GLS2: variants seen among roughly 807,000 people sequenced by gnomAD.
GLS2 encodes glutaminase liver isoform, mitochondrial.
A neutral mutation model predicts 79.0 loss-of-function variants in GLS2; 52 were observed. The ratio of observed to expected loss-of-function variants is 0.66; its 90% CI spans 0.53 to 0.83. GLS2 has a LOEUF of 0.83. Among genes scored for constraint, GLS2 ranks in the 40% least tolerant of loss-of-function variants. The pLI, the probability that GLS2 is intolerant of heterozygous loss-of-function variation, is 0.00. For missense variants in GLS2, 561 were observed against 764.8 expected (o/e 0.73, Z 3.14); for synonymous variants, 238 against 280.8 (o/e 0.85, Z 1.52).
At chr12:56,487,710 G>A (rs1209222717) in intron 1 of GLS2, 6 of 570,002 alleles carry the variant, frequency 1.1e-5, no homozygotes, top group Admixed American at 7.0e-5. Context: ...TTGGACAGGC[G>A]CCATCCCCAG....
intron 12 of GLS2, chr12:56,474,210 C>T (rs1211414574): frequency 3.2e-6 from 1 of 316,016 alleles, no homozygotes; most frequent in Non-Finnish European, 6.0e-6. Flanking sequence ...CTGCCTCAGC[C>T]TCCCAAGTAG....
intron 1 of GLS2, among the ~76,000 whole-genome samples, chr12:56,485,247 TAAGTAATAAAC>T: frequency 1.3e-5 from 2 of 152,194 alleles, no homozygotes; most frequent in African/African-American, 2.4e-5. Flanking sequence ...TTAAAATTTT[TAAGTAATAAAC>T]TTATTTATTT....
At chr12:56,487,397 T>C (rs899614674) in intron 1 of GLS2, 16 of 153,010 alleles carry the variant, frequency 1.0e-4, no homozygotes, top group African/African-American at 3.8e-4. Context: ...AGTTTGGAAA[T>C]TCCCCCCCAT....
chr12:56,484,934 T>C (rs1870566463), intron 1 of GLS2, among the ~76,000 whole-genome samples: 1 of 152,176 alleles, frequency 6.6e-6, no homozygotes, highest in Admixed American at 6.5e-5. Flanking sequence ...CATCAAATTA[T>C]CTCTGGGGGC....
At chr12:56,472,785 T>G (rs1869410882) in intron 14 of GLS2, 34 bp from the exon 15 acceptor site, 1 of 1,597,474 alleles carries the variant, frequency 6.3e-7, no homozygotes, top group Non-Finnish European at 8.6e-7. Flanking sequence ...TGACATTAAT[T>G]GAACTCACCT....
chr12:56,473,704 C>T (rs1869522035), intron 12 of GLS2, 110 bp from the exon 13 acceptor site: 1 of 1,343,550 alleles, frequency 7.4e-7, no homozygotes, highest in South Asian at 1.7e-5. Context: ...TGACCACAAT[C>T]CACCTCAACC....
intron 6 of GLS2, 95 bp from the exon 7 acceptor site, chr12:56,477,813 G>A (rs1044046647): frequency 3.2e-6 from 5 of 1,542,484 alleles, no homozygotes; most frequent in Non-Finnish European, 4.4e-6. Flanking sequence ...AGACTGCTAG[G>A]GAGAAAGGCA....
At chr12:56,472,058 T>C (rs1041538135) in intron 16 of GLS2, 61 bp downstream of exon 16, 1 of 1,562,112 alleles carries the variant, frequency 6.4e-7, no homozygotes, top group South Asian at 1.1e-5. Flanking sequence ...GAAGGTACTT[T>C]TGGTGAAAAA....
chr12:56,481,287 C>T (rs926049246), intron 1 of GLS2, among the ~76,000 whole-genome samples: 1 of 141,566 alleles, frequency 7.1e-6, no homozygotes, highest in Admixed American at 8.1e-5. Flanking sequence ...CTCACTGCAA[C>T]CTCCGCCTCC....
intron 1 of GLS2, chr12:56,487,600 A>C: frequency 2.6e-6 from 1 of 386,296 alleles, no homozygotes; most frequent in East Asian, 5.6e-5. Flanking sequence ...CACGAGGACT[A>C]GGGAAGGTGA....
At chr12:56,484,256 C>T (rs1206853173) in intron 1 of GLS2, among the ~76,000 whole-genome samples, 2 of 152,054 alleles carry the variant, frequency 1.3e-5, no homozygotes, top group South Asian at 2.1e-4. Flanking sequence ...GGCAACAGAG[C>T]GAGACTCCAT....
chr12:56,478,474 A>G (rs566806193), intron 4 of GLS2: 1 of 561,894 alleles, frequency 1.8e-6, no homozygotes, highest in East Asian at 3.0e-5. Context: ...TAGAGATAGC[A>G]GTAAAGCCAA....
chr12:56,479,588 G>A (rs534467127), intron 3 of GLS2, 192 bp downstream of exon 3: 2 of 616,858 alleles, frequency 3.2e-6, no homozygotes, highest in South Asian at 7.7e-5. Flanking sequence ...ATTGAGTAGG[G>A]AGGGAAAGGA....
rs1431328101 is a variant in GLS2, at chr12:56,487,988, G to T, written c.131C>A (p.Ala44Glu). 4.4e-6 allele frequency: 7 copies of T among 1,601,692 alleles called. No individual in the cohort carries two copies. Among genetic ancestry groups the T allele is most frequent in the Non-Finnish European group, 5.1e-6 (6 of 1,179,478 alleles). Residue 44 changes from alanine to glutamate, a missense_variant, in exon 1 of 18, where the codon GCG (alanine) becomes GAG (glutamate). Ala to Glu is a moderately radical substitution (Grantham distance 107, BLOSUM62 -1). Around this residue, in one of 4 missense-constraint regions of GLS2, gnomAD observed 161 missense variants for 167.8 expected, o/e 0.96. Coordinates refer to ENST00000311966, the MANE Select transcript of GLS2 (RefSeq NM_013267.4). Reference protein sequence around the residue: ...GGVRHHLSEAAAQGRETPHSH... With the variant: ...GGVRHHLSEAEAQGRETPHSH... ...GTGTGGCGTCTCTCTGCCCTGCGCCGCGGCCTCACTGAGGTGGTGCCGGAC... is the reference window on the plus strand; with the variant it reads ...GTGTGGCGTCTCTCTGCCCTGCGCCTCGGCCTCACTGAGGTGGTGCCGGAC...
At position 56,474,634 on chromosome 12, in the gene GLS2, C is replaced by A. The variant is rs759213604; in HGVS notation, c.1134G>T (p.Glu378Asp). 1 of 1,614,190 alleles carries A rather than the reference C, an allele frequency of 6.2e-7. No individual in the cohort carries two copies. ...GCACTGCTTCAGCACTCAGCACACTCTCGCCTGTGATGGGGCAGATCCCAC... is the reference window on the plus strand; with the variant it reads ...GCACTGCTTCAGCACTCAGCACACTATCGCCTGTGATGGGGCAGATCCCAC... The part of the protein sequence containing the change: ...ANGGICPITG[E>D]SVLSAEAVRN... Residue 378 changes from glutamate (E) to aspartate (D), a missense_variant, in exon 12 of 18, where the codon GAG becomes GAT. Transcript: ENST00000311966.
rs1279785119 is a variant in GLS2, at chr12:56,474,852, G to A, written c.1041C>T (p.Tyr347=). The A allele has an allele frequency of 6.2e-7, 1 of 1,614,196 alleles. No individual in the cohort carries two copies. The highest frequency in any genetic ancestry group is 1.1e-5 in the South Asian group (1 of 91,084). The change falls in exon 11 of 18, where the codon TAC becomes TAT. Residue 347 remains tyrosine (Y), a synonymous_variant. Transcript: ENST00000311966. The part of the protein sequence containing the change: ...GVDMMAALDL[Y]FQLCSVEVTC... The stretch of plus-strand genomic sequence containing the variant: ...CTGAGCAGTGTTTTCTTACCTGGAA[G>A]TAGAGATCAAGGGCAGCCATCATGT...
At position 56,473,267 on chromosome 12, in the gene GLS2, A is replaced by C; in HGVS notation, c.1410T>G (p.Ala470=). The C allele has an allele frequency of 6.2e-7, 1 of 1,614,102 alleles. No homozygotes were observed. The highest frequency in any genetic ancestry group is 8.5e-7 in the Non-Finnish European group (1 of 1,180,016). ...FHNYDNLRHC[A]RKLDPRREGA... ...CTTCACGCCGTGGGTCTAACTTCCG[A>C]GCACAGTGCCTCAGGTTGTCATAGT... Residue 470 remains alanine (A), a synonymous_variant, in exon 14 of 18, where the codon GCT becomes GCG. Transcript: ENST00000311966.
At position 56,475,128 on chromosome 12, in the gene GLS2, T is replaced by G. The variant is rs748661318; in HGVS notation, c.930-18A>C. 9.3e-6 allele frequency: 15 copies of G among 1,613,692 alleles called. No individual in the cohort carries two copies. The highest frequency in any genetic ancestry group is 1.7e-5 in the Admixed American group (1 of 59,998). The stretch of plus-strand genomic sequence containing the variant: ...ACTGGAATCTGAAGCAAACACCCAA[T>G]TTAGTACTTGAAGTTGGAGGAGTGG... On this transcript the variant is annotated intron_variant, in intron 9 of 17. Coordinates refer to ENST00000311966, the MANE Select transcript of GLS2 (RefSeq NM_013267.4).
In GLS2 at chr12:56,472,763, A is replaced by G; in HGVS notation, c.1450-12T>C. On this transcript the variant is annotated splice_polypyrimidine_tract_variant and intron_variant, in intron 14 of 17. Coordinates refer to ENST00000311966, the MANE Select transcript of GLS2 (RefSeq NM_013267.4). The stretch of plus-strand genomic sequence containing the variant: ...ACCACAGTCTTGTTCTGGAACACAA[A>G]TCATACCCACATGACATTAATTGAA... 1.2e-6 allele frequency: 2 copies of G among 1,613,568 alleles called. No homozygotes were observed. Among genetic ancestry groups the G allele is most frequent in the South Asian group, 2.2e-5 (2 of 91,070 alleles).
Sources: allele counts gnomAD v4.1 joint callset (sites outside exome capture counted in the v4.1 genomes callset), GRCh38; gene constraint gnomAD v4.1.1; regional missense constraint gnomAD v4.1.1; transcripts MANE v1.5; gene names NCBI Gene and HGNC (gene_info 2026-07-23, HGNC 2026-07-21).